Variants in MS4A5 observed in about 807,000 individuals in gnomAD.
MS4A5 encodes the protein membrane-spanning 4-domains subfamily A member 5.
Under a neutral mutation model 18.2 loss-of-function variants are expected in MS4A5, and 15 were observed. That is an observed-to-expected ratio of 0.83 (90% CI 0.55 to 1.27). The LOEUF is 1.27. MS4A5 is among the 50% of genes most tolerant of loss of function. MS4A5 has a pLI of 0.00. For synonymous variants in MS4A5, 89 were observed against 78.7 expected, an observed-to-expected ratio of 1.13 and a Z score of -0.69; for missense variants, 232 against 225.7, an observed-to-expected ratio of 1.03 and a Z score of -0.18.
At position 60,430,824 on chromosome 11, in the gene MS4A5, C is replaced by T. The variant is rs775862682; in HGVS notation, c.182C>T (p.Thr61Ile). The change falls in exon 2 of 5, where the codon ACC becomes ATC. Residue 61 changes from threonine (T) to isoleucine (I), a missense_variant. Thr to Ile is a moderately conservative substitution (Grantham distance 89). Coordinates refer to ENST00000300190, the MANE Select transcript of MS4A5 (RefSeq NM_023945.3). ...GTIQILFGIM[T>I]FSFGVIFLFT... The stretch of plus-strand genomic sequence containing the variant: ...ATCCAGATCCTGTTTGGAATTATGA[C>T]CTTTTCTTTTGGAGTTATCTTCCTT... 6.2e-7 allele frequency: 1 copy of T among 1,613,246 alleles called. No individual in the cohort carries two copies. Among genetic ancestry groups the T allele is most frequent in the South Asian group, 1.1e-5 (1 of 90,920 alleles).
intron 4 of MS4A5, among the ~76,000 whole-genome samples, chr11:60,446,459 C>T (rs1465908637): frequency 3.9e-5 from 6 of 152,196 alleles, no homozygotes; most frequent in East Asian, 1.9e-4. Context: ...CAGGTGGGGC[C>T]GGGCCATGGT....
At chr11:60,432,346 T>C in intron 2 of MS4A5, 65 bp from the exon 3 acceptor site, 1 of 1,082,022 alleles carries the variant, frequency 9.2e-7, no homozygotes, top group Admixed American at 2.1e-5. Flanking sequence ...CATAGAGGTC[T>C]ATTCTGTAAG....
chr11:60,446,767 A>C (rs1189151754), intron 4 of MS4A5, among the ~76,000 whole-genome samples: 1 of 151,742 alleles, frequency 6.6e-6, no homozygotes, highest in African/African-American at 2.4e-5. Flanking sequence ...GAAACCAAAA[A>C]AACGGTGAAC....
chr11:60,440,563 C>G (rs985494695), intron 4 of MS4A5, among the ~76,000 whole-genome samples: 1 of 143,356 alleles, frequency 7.0e-6, no homozygotes, highest in East Asian at 2.0e-4. Context: ...CTACAATGAA[C>G]TCAAACAAAT....
rs1359080757 is a variant in MS4A5, at chr11:60,432,453, A to G, written c.325A>G (p.Thr109Ala). The G allele has an allele frequency of 1.9e-6, 3 of 1,589,602 alleles. No homozygotes were observed. Among genetic ancestry groups the G allele is most frequent in the Non-Finnish European group, 2.6e-6 (3 of 1,160,398 alleles). Residue 109 changes from threonine to alanine, a missense_variant, in exon 3 of 5, where the codon ACC (threonine) becomes GCC (alanine). By Grantham distance (58) the Thr-to-Ala change is moderately conservative (BLOSUM62 0). Transcript: ENST00000300190. ...GAFLIAVKRK[T>A]TETLIILSRI... ...CTTCCTAATTGCAGTGAAAAGAAAA[A>G]CCACAGAAACTCTGGTGAGTTATAT...
chr11:60,432,173 T>TA (rs376642342), intron 2 of MS4A5, among the ~76,000 whole-genome samples: 27 of 152,084 alleles, frequency 1.8e-4, no homozygotes, highest in African/African-American at 5.1e-4. Flanking sequence ...CCTGTACGGT[T>TA]AAAAAAAATG....
intron 4 of MS4A5, among the ~76,000 whole-genome samples, chr11:60,438,325 A>G (rs991874003): frequency 6.6e-6 from 1 of 152,234 alleles, no homozygotes; most frequent in Non-Finnish European, 1.5e-5. Context: ...AAAGCAGGAA[A>G]GATCCAAAAT....
At chr11:60,437,388 C>G (rs1443706236) in intron 4 of MS4A5, among the ~76,000 whole-genome samples, 1 of 148,696 alleles carries the variant, frequency 6.7e-6, no homozygotes, top group African/African-American at 2.5e-5. Flanking sequence ...AACCAGCTAA[C>G]ATCATAATGA....
At chr11:60,442,702 C>T (rs1267721701) in intron 4 of MS4A5, among the ~76,000 whole-genome samples, 3 of 152,142 alleles carry the variant, frequency 2.0e-5, no homozygotes, top group Admixed American at 1.3e-4. Context: ...ATGGGCACCC[C>T]GCTGTACAAC....
At chr11:60,431,985 A>C (rs2086050748) in intron 2 of MS4A5, among the ~76,000 whole-genome samples, 1 of 148,946 alleles carries the variant, frequency 6.7e-6, no homozygotes, top group South Asian at 2.2e-4. Context: ...AGATTTTAAG[A>C]ACTACCAGCA....
At chr11:60,430,744 G>T in intron 1 of MS4A5, 52 bp from the exon 2 acceptor site, 2 of 1,595,296 alleles carry the variant, frequency 1.3e-6, no homozygotes, top group South Asian at 2.3e-5. Flanking sequence ...CTAAACAGAA[G>T]GGAAACTATC....
chr11:60,430,585 G>A (rs2086043438), intron 1 of MS4A5, among the ~76,000 whole-genome samples: 1 of 152,202 alleles, frequency 6.6e-6, no homozygotes, highest in African/African-American at 2.4e-5. Context: ...ATTTTCAGGA[G>A]CACTGATTTA....
chr11:60,447,551 T>A, intron 4 of MS4A5, 98 bp from the exon 5 acceptor site: 2 of 661,790 alleles, frequency 3.0e-6, no homozygotes, highest in Non-Finnish European at 5.1e-6. Context: ...TGGGGAAGCT[T>A]TTATTATCTG....
chr11:60,442,342 C>A (rs2086117568), intron 4 of MS4A5, among the ~76,000 whole-genome samples: 1 of 152,184 alleles, frequency 6.6e-6, no homozygotes, highest in Admixed American at 6.5e-5. Context: ...ACTATCTTTG[C>A]ACTTTTAAGA....
intron 4 of MS4A5, among the ~76,000 whole-genome samples, chr11:60,438,012 C>T (rs1413696586): frequency 4.6e-5 from 7 of 152,124 alleles, no homozygotes; most frequent in Non-Finnish European, 8.8e-5. Flanking sequence ...AAATTGACCA[C>T]ATATTGGGAA....
At chr11:60,431,948 G>A (rs1180575463) in intron 2 of MS4A5, among the ~76,000 whole-genome samples, 1 of 148,024 alleles carries the variant, frequency 6.8e-6, no homozygotes, top group East Asian at 2.0e-4. Context: ...GCTACCACGT[G>A]TGACCCACTT....
chr11:60,446,439 G>A (rs892774881), intron 4 of MS4A5, among the ~76,000 whole-genome samples: 2 of 152,098 alleles, frequency 1.3e-5, no homozygotes, highest in Non-Finnish European at 2.9e-5. Context: ...TGCTGTGATT[G>A]AAAAAAACAC....
At chr11:60,447,362 ATGCT>A (rs1590837224) in intron 4 of MS4A5, among the ~76,000 whole-genome samples, 1 of 147,444 alleles carries the variant, frequency 6.8e-6, no homozygotes, top group East Asian at 1.9e-4. Context: ...ATGCTATGCT[ATGCT>A]ATGCAATGCA....
In MS4A5 at chr11:60,429,741, T is replaced by G; in HGVS notation, c.67T>G (p.Tyr23Asp). The change falls in exon 1 of 5, where the codon TAT (tyrosine) becomes GAT (aspartate). Residue 23 changes from tyrosine to aspartate, a missense_variant. Tyr to Asp is a radical substitution (Grantham distance 160, BLOSUM62 -3). Coordinates refer to ENST00000300190, the MANE Select transcript of MS4A5 (RefSeq NM_023945.3). ...VFPPEITASE[Y>D]ESTELSATTF... ...TCCTCCAGAAATCACTGCTTCAGAATATGAGTCCACAGAACTTTCAGCCAC... is the reference window on the plus strand; with the variant it reads ...TCCTCCAGAAATCACTGCTTCAGAAGATGAGTCCACAGAACTTTCAGCCAC... The G allele has an allele frequency of 6.2e-7, 1 of 1,614,116 alleles. No homozygotes were observed. Among genetic ancestry groups the G allele is most frequent in the Non-Finnish European group, 8.5e-7 (1 of 1,179,986 alleles).
Sources: gnomAD v4.1 joint callset for allele counts (sites outside exome capture counted in the v4.1 genomes callset) on GRCh38, gnomAD v4.1.1 for gene constraint, MANE v1.5 for transcripts, NCBI Gene and HGNC (gene_info 2026-07-23, HGNC 2026-07-21) for gene names.